Variants in PRKCA observed in about 807,000 individuals in gnomAD.
PRKCA encodes the protein protein kinase C alpha, also known as protein kinase C alpha type.
PRKCA carries 27 observed loss-of-function variants against 87.0 expected under a neutral mutation model. The ratio of observed to expected loss-of-function variants is 0.31; its 90% CI spans 0.23 to 0.43. The LOEUF (loss-of-function observed/expected upper bound fraction) is 0.43. Among genes scored for constraint, PRKCA ranks in the 20% least tolerant of loss-of-function variants. PRKCA has a pLI of 1.00. For synonymous variants in PRKCA, 329 were observed against 311.1 expected (o/e 1.06, Z -0.61); for missense variants, 518 against 852.3 (o/e 0.61, Z 4.88).
chr17:66,640,817 G>A (rs963119244), intron 3 of PRKCA: 2 of 366,528 alleles, frequency 5.5e-6, no homozygotes, highest in Non-Finnish European at 1.1e-5. Flanking sequence ...ACCGTGGTAT[G>A]TGCAAATTTC....
intron 13 of PRKCA, among the ~76,000 whole-genome samples, chr17:66,746,391 C>T (rs56345847): frequency 0.21 from 31,505 of 151,820 alleles, 3,774 homozygotes; most frequent in Middle Eastern, 0.32. Context: ...CACACGAATA[C>T]TTACAGTATA....
chr17:66,772,468 G>A (rs1394768980), intron 13 of PRKCA, among the ~76,000 whole-genome samples: 1 of 151,622 alleles, frequency 6.6e-6, no homozygotes, highest in African/African-American at 2.4e-5. Context: ...TTTTATGTCC[G>A]AGGACATTTA....
At chr17:66,652,285 G>A (rs1971609734) in intron 5 of PRKCA, among the ~76,000 whole-genome samples, 1 of 152,188 alleles carries the variant, frequency 6.6e-6, no homozygotes, top group South Asian at 2.1e-4. Flanking sequence ...AAGAGAATGA[G>A]GAGACATGAT....
At chr17:66,675,831 G>A (rs1360262260) in intron 5 of PRKCA, among the ~76,000 whole-genome samples, 3 of 152,176 alleles carry the variant, frequency 2.0e-5, no homozygotes, top group Admixed American at 6.5e-5. Context: ...AGCGATGCCA[G>A]TTCTGGTTCC....
Position 66,804,547 on chromosome 17 carries a change from C to T in PRKCA, c.*510C>T, listed in dbSNP as rs897829289. The T allele has an allele frequency of 6.5e-6, 1 of 153,246 alleles. No homozygotes were observed. Among genetic ancestry groups the T allele is most frequent in the Non-Finnish European group, 1.5e-5 (1 of 68,722 alleles). 9.5% of individuals were successfully genotyped at this position (153,246 alleles called of 1,614,324 possible). ...AATACCGACTGCGTCCATTCTCTGC[C>T]TCCATGGAAACAGCCCCTAGAATCT... On this transcript the variant is annotated 3_prime_UTR_variant, in exon 17 of 17. Transcript: ENST00000413366.
intron 3 of PRKCA, among the ~76,000 whole-genome samples, chr17:66,504,599 G>C (rs927043187): frequency 7.7e-6 from 1 of 129,586 alleles, no homozygotes; most frequent in African/African-American, 2.8e-5. Flanking sequence ...CCTCAAAAAA[G>C]AAAAAAAAAA....
chr17:66,760,335 T>A (rs759441785), intron 13 of PRKCA, among the ~76,000 whole-genome samples: 1 of 152,172 alleles, frequency 6.6e-6, no homozygotes, highest in Non-Finnish European at 1.5e-5. Context: ...TAAAAGGAAA[T>A]TTTAAAATAT....
At chr17:66,355,793 T>C (rs1598612265) in intron 2 of PRKCA, among the ~76,000 whole-genome samples, 1 of 152,230 alleles carries the variant, frequency 6.6e-6, no homozygotes, top group African/African-American at 2.4e-5. Context: ...AATAGAATAT[T>C]AAGTATCCTT....
At chr17:66,656,818 G>A (rs898270266) in intron 5 of PRKCA, among the ~76,000 whole-genome samples, 3 of 152,176 alleles carry the variant, frequency 2.0e-5, no homozygotes, top group Non-Finnish European at 2.9e-5. Context: ...CTTGATCCAT[G>A]TCATCTTCAA....
chr17:66,429,024 G>T (rs1337009896), intron 2 of PRKCA, among the ~76,000 whole-genome samples: 1 of 152,034 alleles, frequency 6.6e-6, no homozygotes, highest in Non-Finnish European at 1.5e-5. Context: ...GAAGATCTTT[G>T]GGGGTGATAA....
intron 3 of PRKCA, among the ~76,000 whole-genome samples, chr17:66,613,580 C>T (rs1372840709): frequency 9.2e-5 from 14 of 152,042 alleles, no homozygotes; most frequent in Non-Finnish European, 2.1e-4. Flanking sequence ...GGGAAGAATC[C>T]TTCCTTGCCT....
At chr17:66,562,590 T>G (rs1167049922) in intron 3 of PRKCA, among the ~76,000 whole-genome samples, 1 of 148,298 alleles carries the variant, frequency 6.7e-6, no homozygotes, top group Non-Finnish European at 1.5e-5. Flanking sequence ...GTTTTGTTTT[T>G]TTTTGTTGTT....
rs1425573597 is a variant in PRKCA at position 66,445,831 on chromosome 17, G to A, written c.206-50370G>A. 7.3e-5 allele frequency among the ~76,000 whole-genome samples: 11 copies of A among 151,654 alleles called. No homozygotes were observed. The East Asian group carries it at 1.9e-3, about 27-fold the overall frequency. ...TTCTTCTTTTTTTTCTTGAGACAGG[G>A]TCTGGCTCTGGCTCAGGCTCTGTCC... is the stretch of plus-strand genomic sequence containing the variant. On this transcript the variant is annotated intron_variant, in intron 2 of 16. Transcript: ENST00000413366.
intron 3 of PRKCA, among the ~76,000 whole-genome samples, chr17:66,498,050 A>C (rs758032928): frequency 2.0e-5 from 3 of 152,258 alleles, no homozygotes; most frequent in South Asian, 2.1e-4. Context: ...TTCATGGACA[A>C]GGAAGCCCAA....
intron 13 of PRKCA, among the ~76,000 whole-genome samples, chr17:66,770,757 C>G (rs1974915588): frequency 6.6e-6 from 1 of 152,128 alleles, no homozygotes; most frequent in Admixed American, 6.6e-5. Context: ...TTCTGCTGAT[C>G]TGGGAAGTAG....
Position 66,361,425 on chromosome 17 carries a change from C to T in PRKCA, c.205+55298C>T, listed in dbSNP as rs1908383090. 2.0e-5 allele frequency among the ~76,000 whole-genome samples: 3 copies of T among 152,044 alleles called. No homozygotes were observed. The South Asian group carries it at 6.2e-4, about 32-fold the overall frequency. On this transcript the variant is annotated intron_variant, in intron 2 of 16. Coordinates refer to ENST00000413366, the MANE Select transcript of PRKCA (RefSeq NM_002737.3). ...TTCCTGGGTTCAAGCAATTCTCCTG[C>T]CTCAGTCTCTCGAGTAGCTGGGATT...
In PRKCA at chr17:66,671,493, G is replaced by A. The variant is rs116221461; in HGVS notation, c.530-15618G>A. ...GGTTAGTTAATATGTCCAAGGTGCT[G>A]AGTACCTTATCAGGTACGTACTTGT... On this transcript the variant is annotated intron_variant, in intron 5 of 16. Coordinates refer to ENST00000413366, the MANE Select transcript of PRKCA (RefSeq NM_002737.3). 4.0e-3 allele frequency among the ~76,000 whole-genome samples: 614 copies of A among 152,234 alleles called. 5 individuals are homozygous for A. The highest frequency in any genetic ancestry group is 0.014 in the African/African-American group (574 of 41,530).
rs183591501 is a variant in PRKCA, at chr17:66,377,018, T to G, written c.205+70891T>G. On this transcript the variant is annotated intron_variant, in intron 2 of 16. Transcript: ENST00000413366. Reference sequence around the variant, plus strand: ...TGCAAAATCCCAAAGCCTCCGGATTTATTTATTTATTTATTTATTTATTTG... The same window carrying G: ...TGCAAAATCCCAAAGCCTCCGGATTGATTTATTTATTTATTTATTTATTTG... Among the ~76,000 whole-genome samples the G allele has an allele frequency of 1.1e-4, 16 of 151,748 alleles. No individual in the cohort carries two copies. In the South Asian group the frequency reaches 1.5e-3, roughly 14 times the overall value.
chr17:66,734,209 G>A (rs1026490308), intron 9 of PRKCA, among the ~76,000 whole-genome samples: 1 of 152,184 alleles, frequency 6.6e-6, no homozygotes, highest in Non-Finnish European at 1.5e-5. Flanking sequence ...AATTCAGAGC[G>A]AGTCCACAGA....
Sources: allele counts gnomAD v4.1 joint callset (sites outside exome capture counted in the v4.1 genomes callset), GRCh38; gene constraint gnomAD v4.1.1; transcripts MANE v1.5; gene names NCBI Gene and HGNC (gene_info 2026-07-23, HGNC 2026-07-21).